CAMK2D: variants seen among roughly 807,000 people sequenced by gnomAD.
The protein encoded by CAMK2D is calcium/calmodulin-dependent protein kinase type II subunit delta.
CAMK2D carries 37 observed loss-of-function variants against 84.0 expected under a neutral mutation model. The ratio of observed to expected loss-of-function variants is 0.44; its 90% CI spans 0.34 to 0.58. The LOEUF is 0.58. Among genes scored for constraint, CAMK2D ranks in the 20% least tolerant of loss-of-function variants. CAMK2D has a pLI of 0.02. For missense variants in CAMK2D, 448 were observed against 652.5 expected, an observed-to-expected ratio of 0.69 and a Z score of 3.41; for synonymous variants, 202 against 212.5, an observed-to-expected ratio of 0.95 and a Z score of 0.43.
chr4:113,590,539 G>A (rs568173665), intron 4 of CAMK2D, among the ~76,000 whole-genome samples: 12 of 152,114 alleles, frequency 7.9e-5, no homozygotes, highest in Non-Finnish European at 1.0e-4. Context: ...TCATTAACAC[G>A]TCTATCACTA....
intron 6 of CAMK2D, among the ~76,000 whole-genome samples, chr4:113,544,553 T>A (rs146450936): frequency 6.6e-6 from 1 of 152,236 alleles, no homozygotes; most frequent in Non-Finnish European, 1.5e-5. Flanking sequence ...TTCGTTTACA[T>A]ACTATGAGGA....
intron 20 of CAMK2D, 108 bp downstream of exon 20, chr4:113,455,618 T>C (rs2097294635): frequency 8.3e-6 from 5 of 599,034 alleles, no homozygotes; most frequent in Non-Finnish European, 1.5e-5. Flanking sequence ...TGTGCGTTTT[T>C]CATTGAATAT....
chr4:113,539,161 A>T (rs2098513164), intron 6 of CAMK2D, among the ~76,000 whole-genome samples: 1 of 152,188 alleles, frequency 6.6e-6, no homozygotes, highest in Non-Finnish European at 1.5e-5. Flanking sequence ...GGTCTACCAC[A>T]TTCATGCATT....
chr4:113,521,065 C>G (rs2098351710), intron 8 of CAMK2D, among the ~76,000 whole-genome samples: 1 of 152,116 alleles, frequency 6.6e-6, no homozygotes, highest in Non-Finnish European at 1.5e-5. Context: ...TTATATCATG[C>G]TTTCTTTAGA....
chr4:113,489,290 TC>T (rs1189402390), intron 16 of CAMK2D, among the ~76,000 whole-genome samples: 1 of 72,256 alleles, frequency 1.4e-5, no homozygotes, highest in Non-Finnish European at 2.7e-5. Context: ...CCCTCCCCCC[TC>T]CCCCCACCCC....
intron 2 of CAMK2D, among the ~76,000 whole-genome samples, chr4:113,673,233 T>G (rs1343612483): frequency 6.6e-6 from 1 of 152,054 alleles, no homozygotes; most frequent in African/African-American, 2.4e-5. Flanking sequence ...TCTCCTGGAG[T>G]TAGAGAAAAA....
intron 19 of CAMK2D, chr4:113,457,094 A>G (rs753241618): frequency 1.3e-4 from 113 of 895,694 alleles, no homozygotes; most frequent in Non-Finnish European, 1.7e-4. Flanking sequence ...TTGATCACGT[A>G]GTCTCTCGTC....
intron 2 of CAMK2D, among the ~76,000 whole-genome samples, chr4:113,710,307 T>C (rs13117420): frequency 0.35 from 52,540 of 151,890 alleles, 10,497 homozygotes; most frequent in Admixed American, 0.49. Context: ...ATATCAGGTT[T>C]CTGGAGCAAA....
intron 3 of CAMK2D, among the ~76,000 whole-genome samples, chr4:113,640,278 G>A (rs2099127159): frequency 6.6e-6 from 1 of 152,140 alleles, no homozygotes; most frequent in African/African-American, 2.4e-5. Flanking sequence ...CTCTAAAATA[G>A]ATTTGGGAGT....
At chr4:113,625,658 G>A (rs1041596560) in intron 3 of CAMK2D, among the ~76,000 whole-genome samples, 2 of 152,120 alleles carry the variant, frequency 1.3e-5, no homozygotes, top group African/African-American at 4.8e-5. Context: ...TGAGATCAGA[G>A]GTGTGAGTAT....
At chr4:113,555,322 G>T (rs1186363776) in intron 4 of CAMK2D, among the ~76,000 whole-genome samples, 1 of 152,138 alleles carries the variant, frequency 6.6e-6, no homozygotes, top group African/African-American at 2.4e-5. Flanking sequence ...AGGAACTTCA[G>T]GTTGGAGCTG....
intron 20 of CAMK2D, among the ~76,000 whole-genome samples, chr4:113,455,485 C>T (rs572010756): frequency 2.0e-5 from 3 of 152,256 alleles, no homozygotes; most frequent in South Asian, 2.1e-4. Flanking sequence ...ATGACACAAT[C>T]CACATGTTGG....
intron 16 of CAMK2D, among the ~76,000 whole-genome samples, chr4:113,476,674 T>C (rs1260203913): frequency 1.3e-5 from 2 of 152,198 alleles, no homozygotes; most frequent in Non-Finnish European, 1.5e-5. Flanking sequence ...TAACCAGCTA[T>C]TGTTCCCTAG....
rs113063985 is a variant in CAMK2D, at chr4:113,678,632, C to T, written c.161-16860G>A. Among the ~76,000 whole-genome samples the T allele has an allele frequency of 3.2e-3, 486 of 152,188 alleles. 1 individual carries two copies. The highest frequency in any genetic ancestry group is 0.011 in the African/African-American group (463 of 41,536). On this transcript the variant is annotated intron_variant, in intron 2 of 20. Transcript: ENST00000511664. ...ATGTCGGGAACATACAAAATCCTCT[C>T]TTGTAGCTATTTGAAAATATATAAT...
intron 2 of CAMK2D, among the ~76,000 whole-genome samples, chr4:113,727,171 G>C (rs2099548541): frequency 6.6e-6 from 1 of 152,118 alleles, no homozygotes; most frequent in South Asian, 2.1e-4. Flanking sequence ...AATTAATGTA[G>C]AGATTCAATG....
intron 4 of CAMK2D, among the ~76,000 whole-genome samples, chr4:113,562,583 T>C (rs991748507): frequency 8.5e-5 from 13 of 152,210 alleles, no homozygotes; most frequent in Non-Finnish European, 5.9e-5. Flanking sequence ...CAGGCTAACA[T>C]ACGAAAGAAG....
At chr4:113,649,376 C>T (rs1031430673) in intron 3 of CAMK2D, among the ~76,000 whole-genome samples, 3 of 152,210 alleles carry the variant, frequency 2.0e-5, no homozygotes, top group Non-Finnish European at 4.4e-5. Flanking sequence ...TTATTATTCT[C>T]AATCAACTTT....
At chr4:113,742,398 G>A (rs2099595017) in intron 2 of CAMK2D, among the ~76,000 whole-genome samples, 1 of 151,950 alleles carries the variant, frequency 6.6e-6, no homozygotes, top group African/African-American at 2.4e-5. Flanking sequence ...AAAATAGGGT[G>A]GTAGAGAAGG....
At position 113,646,059 on chromosome 4, in the gene CAMK2D, C is replaced by T. The variant is rs558751652; in HGVS notation, c.220+15654G>A. On this transcript the variant is annotated intron_variant, in intron 3 of 20. Coordinates refer to ENST00000511664, the MANE Select transcript of CAMK2D (RefSeq NM_001321571.2). ...GTCAGGGAGAAGTCAATTGTTTGCT[C>T]TCCTGTTTTACAGTCTTTAGGTGTG... Among the ~76,000 whole-genome samples, 4 of 152,314 alleles carry T rather than the reference C, an allele frequency of 2.6e-5. 1 individual carries two copies. The South Asian group carries it at 8.3e-4, about 32-fold the overall frequency.
Sources: gnomAD v4.1 joint callset for allele counts (sites outside exome capture counted in the v4.1 genomes callset) on GRCh38, gnomAD v4.1.1 for gene constraint, MANE v1.5 for transcripts, NCBI Gene and HGNC (gene_info 2026-07-23, HGNC 2026-07-21) for gene names.